ULK4: variants seen among roughly 807,000 people sequenced by gnomAD.
ULK4 encodes the protein unc-51 like kinase 4.
A neutral mutation model predicts 160.6 loss-of-function variants in ULK4; 133 were observed. That is an observed-to-expected ratio of 0.83 (90% confidence interval 0.72 to 0.96). The LOEUF (loss-of-function observed/expected upper bound fraction) is 0.96, where lower values mean the gene tolerates loss of function less well. Ranked by LOEUF, ULK4 falls within the 40% of genes least tolerant of loss-of-function variation. The pLI, the probability that ULK4 is intolerant of heterozygous loss-of-function variation, is 0.00. For synonymous variants in ULK4, 534 were observed against 539.8 expected (o/e 0.99, Z 0.15); for missense variants, 1,580 against 1,499.5 (o/e 1.05, Z -0.89).
At chr3:41,935,358 T>G (rs556256536) in intron 4 of ULK4, among the ~76,000 whole-genome samples, 1 of 151,658 alleles carries the variant, frequency 6.6e-6, no homozygotes, top group Non-Finnish European at 1.5e-5. Context: ...TCTCAGATAG[T>G]TGGGACTACA....
intron 35 of ULK4, among the ~76,000 whole-genome samples, chr3:41,355,364 CA>C (rs2081009725): frequency 6.6e-6 from 1 of 152,158 alleles, no homozygotes; most frequent in South Asian, 2.1e-4. Context: ...TTGGGCTTGT[CA>C]AAAGCCCTAC....
chr3:41,782,811 A>G (rs2039892545), intron 21 of ULK4, among the ~76,000 whole-genome samples: 1 of 152,230 alleles, frequency 6.6e-6, no homozygotes, highest in African/African-American at 2.4e-5. Context: ...TTTAGCCATA[A>G]GAATGTTCTC....
chr3:41,910,949 G>A (rs568886378), intron 11 of ULK4, among the ~76,000 whole-genome samples: 68 of 152,186 alleles, frequency 4.5e-4, no homozygotes, highest in African/African-American at 1.4e-3. Context: ...GGCAATAGAC[G>A]GAGATCTTGT....
At chr3:41,410,459 A>T (rs1408692224) in intron 34 of ULK4, among the ~76,000 whole-genome samples, 1 of 152,178 alleles carries the variant, frequency 6.6e-6, no homozygotes, top group East Asian at 1.9e-4. Flanking sequence ...AATACCCAAA[A>T]TAGGCCAGTT....
chr3:41,676,909 T>A (rs1344141578), intron 29 of ULK4, among the ~76,000 whole-genome samples: 6 of 14,136 alleles, frequency 4.2e-4, no homozygotes, highest in Admixed American at 1.0e-3. Context: ...ACCCCCAACC[T>A]TTTTTTTTTT....
intron 34 of ULK4, among the ~76,000 whole-genome samples, chr3:41,437,223 C>T (rs2083056839): frequency 6.6e-6 from 1 of 152,106 alleles, no homozygotes; most frequent in Non-Finnish European, 1.5e-5. Flanking sequence ...GGTGAATATT[C>T]ATGAAGTTTT....
chr3:41,705,911 G>T (rs531895410), intron 25 of ULK4, among the ~76,000 whole-genome samples: 1 of 152,254 alleles, frequency 6.6e-6, no homozygotes, highest in South Asian at 2.1e-4. Flanking sequence ...CATATCAGAA[G>T]AGAGTTCGAA....
At chr3:41,863,053 TA>T (rs1400495406) in intron 17 of ULK4, among the ~76,000 whole-genome samples, 2 of 150,956 alleles carry the variant, frequency 1.3e-5, no homozygotes, top group Admixed American at 6.6e-5. Context: ...CAAGGTCCCC[TA>T]AGTCCCAGGT....
intron 32 of ULK4, 39 bp downstream of exon 32, chr3:41,565,986 G>A: frequency 1.3e-6 from 2 of 1,537,438 alleles, no homozygotes; most frequent in South Asian, 2.3e-5. Flanking sequence ...AAATGAATAG[G>A]CAAAACTTGA....
At position 41,566,095 on chromosome 3, in the gene ULK4, T is replaced by A; in HGVS notation, c.3156A>T (p.Gln1052His). Residue 1052 changes from glutamine (Q) to histidine (H), a missense_variant, in exon 32 of 37, where the codon CAA becomes CAT. Coordinates refer to ENST00000301831, the MANE Select transcript of ULK4 (RefSeq NM_017886.4). The stretch of plus-strand genomic sequence containing the variant: ...GATTGCTGAGTAATGCAATCACACT[T>A]TGCATGGTATTACCCAGAATGCTCT... ...HQESILGNTM[Q>H]SVIALLSNLV... 1 of 1,613,890 alleles carries A rather than the reference T, an allele frequency of 6.2e-7. No individual in the cohort carries two copies. The highest frequency in any genetic ancestry group is 8.5e-7 in the Non-Finnish European group (1 of 1,179,958).
intron 17 of ULK4, among the ~76,000 whole-genome samples, chr3:41,878,146 A>G (rs2125698689): frequency 6.6e-6 from 1 of 152,020 alleles, no homozygotes; most frequent in Non-Finnish European, 1.5e-5. Flanking sequence ...TCTTCTAACA[A>G]AGTAAACAAG....
intron 32 of ULK4, among the ~76,000 whole-genome samples, chr3:41,493,020 G>C (rs959183265): frequency 7.8e-6 from 1 of 128,572 alleles, no homozygotes; most frequent in Non-Finnish European, 1.7e-5. Flanking sequence ...ACAGATCAAT[G>C]AGACAGAAAG....
At chr3:41,313,999 G>A (rs1404134947) in intron 35 of ULK4, among the ~76,000 whole-genome samples, 1 of 152,106 alleles carries the variant, frequency 6.6e-6, no homozygotes, top group Non-Finnish European at 1.5e-5. Flanking sequence ...CATGTACAAG[G>A]GTTCCAGCTT....
intron 29 of ULK4, among the ~76,000 whole-genome samples, chr3:41,666,355 T>C (rs550758597): frequency 2.0e-5 from 3 of 152,296 alleles, no homozygotes; most frequent in Admixed American, 6.5e-5. Context: ...TTCCAACTGC[T>C]AGGAAGTTAT....
At chr3:41,642,383 C>T (rs1202072105) in intron 30 of ULK4, among the ~76,000 whole-genome samples, 1 of 151,942 alleles carries the variant, frequency 6.6e-6, no homozygotes, top group Non-Finnish European at 1.5e-5. Flanking sequence ...TGTTCCCCTT[C>T]CTGCGTCCAT....
intron 21 of ULK4, among the ~76,000 whole-genome samples, chr3:41,771,210 A>G (rs1437610625): frequency 1.3e-5 from 2 of 152,218 alleles, no homozygotes; most frequent in African/African-American, 4.8e-5. Flanking sequence ...ATCTGTCAGA[A>G]TATTTCCATT....
chr3:41,670,782 A>G (rs2035512753), intron 29 of ULK4, among the ~76,000 whole-genome samples: 1 of 152,104 alleles, frequency 6.6e-6, no homozygotes, highest in South Asian at 2.1e-4. Flanking sequence ...TAGATAAAAG[A>G]AATGACTTCA....
intron 19 of ULK4, among the ~76,000 whole-genome samples, chr3:41,800,888 T>C (rs934140790): frequency 2.6e-5 from 4 of 152,146 alleles, no homozygotes; most frequent in Admixed American, 1.3e-4. Flanking sequence ...TCAGGTAATA[T>C]AAATGAGTCC....
intron 35 of ULK4, among the ~76,000 whole-genome samples, chr3:41,325,778 G>A (rs1189335561): frequency 6.6e-6 from 1 of 151,954 alleles, no homozygotes; most frequent in East Asian, 1.9e-4. Context: ...TATCAGCCAG[G>A]CATGGTGGTG....
Sources: gnomAD v4.1 joint callset for allele counts (sites outside exome capture counted in the v4.1 genomes callset) on GRCh38, gnomAD v4.1.1 for gene constraint, MANE v1.5 for transcripts, NCBI Gene and HGNC (gene_info 2026-07-23, HGNC 2026-07-21) for gene names.